Variants in CNIH1 observed in about 807,000 individuals in gnomAD.
CNIH1 encodes protein cornichon homolog 1.
CNIH1 carries 12 observed loss-of-function variants against 20.2 expected under a neutral mutation model. That is an observed-to-expected ratio of 0.59 (90% CI 0.38 to 0.96). The LOEUF is 0.96. Ranked by LOEUF, CNIH1 falls within the 40% of genes least tolerant of loss-of-function variation. The probability of loss-of-function intolerance (pLI) is 0.00; values close to 1 mark genes in which losing one functional copy is unlikely to be tolerated. For missense variants in CNIH1, 152 were observed against 178.8 expected (o/e 0.85, Z 0.85); for synonymous variants, 69 against 63.3 (o/e 1.09, Z -0.43).
At chr14:54,440,699 G>C (rs550802034) in intron 1 of CNIH1, among the ~76,000 whole-genome samples, 1 of 152,132 alleles carries the variant, frequency 6.6e-6, no homozygotes, top group African/African-American at 2.4e-5. Context: ...AGTTCACCAG[G>C]AAACAACAAT....
chr14:54,424,074 C>G lies in CNIH1; in HGVS notation c.*3740G>C, dbSNP rs1776558360. ...CAATATATTTAGCAATAGAACCACTCTTTTACTTTTGATATCATTCTGAGG... is the reference window on the plus strand; with the variant it reads ...CAATATATTTAGCAATAGAACCACTGTTTTACTTTTGATATCATTCTGAGG... On this transcript the variant is annotated 3_prime_UTR_variant, in exon 5 of 5. Transcript: ENST00000216416. 6.6e-6 allele frequency: 1 copy of G among 152,172 alleles called. No homozygotes were observed. The highest frequency in any genetic ancestry group is 2.1e-4 in the South Asian group (1 of 4,834). 9.4% of individuals were successfully genotyped at this position (152,172 alleles called of 1,614,324 possible). A position where few individuals can be genotyped will look rare whatever the true frequency, so the allele number is the denominator to read the frequency against.
At chr14:54,438,915 C>T (rs976143289) in intron 1 of CNIH1, among the ~76,000 whole-genome samples, 2 of 152,104 alleles carry the variant, frequency 1.3e-5, no homozygotes, top group African/African-American at 2.4e-5. Context: ...TTGTAAACAG[C>T]GCCTGGCACC....
chr14:54,431,027 G>C (rs1044657754), intron 3 of CNIH1, among the ~76,000 whole-genome samples: 1 of 151,816 alleles, frequency 6.6e-6, no homozygotes, highest in Admixed American at 6.6e-5. Flanking sequence ...GTTTTGCCAC[G>C]TTGCCCAGTC....
intron 2 of CNIH1, among the ~76,000 whole-genome samples, chr14:54,434,277 C>G (rs375148940): frequency 1.3e-5 from 2 of 152,186 alleles, no homozygotes; most frequent in Non-Finnish European, 2.9e-5. Context: ...TAAAAACGTC[C>G]TTCAACCTCC....
At chr14:54,438,857 G>C (rs2031108633) in intron 1 of CNIH1, among the ~76,000 whole-genome samples, 1 of 152,142 alleles carries the variant, frequency 6.6e-6, no homozygotes. Context: ...GTGTCATCTT[G>C]GAGGGAATAA....
chr14:54,437,123 A>T (rs542868990), intron 1 of CNIH1, among the ~76,000 whole-genome samples: 1 of 152,298 alleles, frequency 6.6e-6, no homozygotes, highest in Non-Finnish European at 1.5e-5. Flanking sequence ...CTCTGGAGGA[A>T]TGTGGCTTCA....
rs1184304193 is a variant in CNIH1 at position 54,429,871 on chromosome 14, T to C, written c.407+390A>G. 2.0e-5 allele frequency among the ~76,000 whole-genome samples: 3 copies of C among 152,142 alleles called. No homozygotes were observed. The East Asian group carries it at 5.8e-4, about 29-fold the overall frequency. On this transcript the variant is annotated intron_variant, in intron 4 of 4. Coordinates refer to ENST00000216416, the MANE Select transcript of CNIH1 (RefSeq NM_005776.3). ...AATAAAGGGCAGAGCACACCACTTA[T>C]GAAGAATGATAAGGAAAAAATGAAA...
intron 1 of CNIH1, among the ~76,000 whole-genome samples, chr14:54,438,529 T>C (rs144785439): frequency 3.9e-5 from 6 of 152,342 alleles, no homozygotes; most frequent in African/African-American, 1.4e-4. Context: ...GAATGACTTT[T>C]AAGCTTTTAA....
chr14:54,428,047 A>G (rs1270038053), intron 4 of CNIH1, among the ~76,000 whole-genome samples: 1 of 152,102 alleles, frequency 6.6e-6, no homozygotes, highest in Non-Finnish European at 1.5e-5. Context: ...GTTGTCCCCT[A>G]TTCCCTTCCA....
At position 54,427,732 on chromosome 14, in the gene CNIH1, G is replaced by A. The variant is rs2030854087; in HGVS notation, c.*82C>T. 7.0e-7 allele frequency: 1 copy of A among 1,427,696 alleles called. No individual in the cohort carries two copies. Among genetic ancestry groups the A allele is most frequent in the Non-Finnish European group, 9.8e-7 (1 of 1,018,346 alleles). The allele number at this position is 1,427,696 out of a possible 1,614,324, so 88.4% of individuals were successfully genotyped here. ...GATCAGATTCCACAGGCTACTCTTG[G>A]ACAGGATCTTGCTGGATAGAATCCC... On this transcript the variant is annotated 3_prime_UTR_variant, in exon 5 of 5. Transcript: ENST00000216416.
chr14:54,439,054 T>A (rs563641885), intron 1 of CNIH1, among the ~76,000 whole-genome samples: 15 of 152,204 alleles, frequency 9.9e-5, no homozygotes, highest in Admixed American at 9.2e-4. Context: ...CTGAGGTAAA[T>A]AAACCTCTTT....
intron 1 of CNIH1, 37 bp from the exon 2 acceptor site, chr14:54,436,474 T>C: frequency 1.7e-6 from 2 of 1,175,828 alleles, no homozygotes; most frequent in Non-Finnish European, 2.5e-6. Context: ...CCACTCACTT[T>C]AATTAAAAGC....
intron 2 of CNIH1, among the ~76,000 whole-genome samples, chr14:54,433,545 C>A (rs1450767673): frequency 6.6e-6 from 1 of 152,162 alleles, no homozygotes; most frequent in Non-Finnish European, 1.5e-5. Context: ...GATCAAAGTT[C>A]TCTAAACAAG....
At chr14:54,427,894 A>C in intron 4 of CNIH1, 53 bp from the exon 5 acceptor site, 3 of 1,562,474 alleles carry the variant, frequency 1.9e-6, no homozygotes, top group Admixed American at 1.7e-5. Flanking sequence ...ATTAAAAAAA[A>C]ACTCAGAGCA....
At position 54,427,796 on chromosome 14, in the gene CNIH1, A is replaced by C; in HGVS notation, c.*18T>G. The stretch of plus-strand genomic sequence containing the variant: ...TTTTTGCATGCACTTAACTGGACCA[A>C]TTCTTCTGTGTGTTGTTCTAAGAGC... On this transcript the variant is annotated 3_prime_UTR_variant, in exon 5 of 5. Transcript: ENST00000216416. 1 of 1,613,652 alleles carries C rather than the reference A, an allele frequency of 6.2e-7. No individual in the cohort carries two copies. The highest frequency in any genetic ancestry group is 8.5e-7 in the Non-Finnish European group (1 of 1,179,854).
Position 54,441,337 on chromosome 14 carries a change from G to GGAGGAGC in CNIH1, c.-17_-11dup, listed in dbSNP as rs2031171607. 39 of 1,493,070 alleles carry GGAGGAGC rather than the reference G, an allele frequency of 2.6e-5. No individual in the cohort carries two copies. The highest frequency in any genetic ancestry group is 3.4e-5 in the Non-Finnish European group (38 of 1,113,112). 92.5% of individuals were successfully genotyped at this position (1,493,070 alleles called of 1,614,324 possible). On this transcript the variant is annotated 5_prime_UTR_variant, in exon 1 of 5. Coordinates refer to ENST00000216416, the MANE Select transcript of CNIH1 (RefSeq NM_005776.3). ...CGAACGTGAACGCCATGGCTGGGGA[G>GGAGGAGC]GAGGAGCGGGGAGCGGCGCCGTTGC... is the stretch of plus-strand genomic sequence containing the variant.
chr14:54,431,662 A>G (rs930770915), intron 3 of CNIH1, among the ~76,000 whole-genome samples: 3 of 152,208 alleles, frequency 2.0e-5, no homozygotes, highest in Middle Eastern at 6.3e-3. Flanking sequence ...TTAGACACAT[A>G]CTGTACATTT....
chr14:54,426,609 A>AC lies in CNIH1; in HGVS notation c.*1204dup, dbSNP rs1252832676. On this transcript the variant is annotated 3_prime_UTR_variant, in exon 5 of 5. Transcript: ENST00000216416. ...CAAGCAGCAGCAAAAACTCAAATTT[A>AC]CAAGCCATTTTACCTTAAAACTGAC... 6.6e-6 allele frequency: 1 copy of AC among 152,192 alleles called. No individual in the cohort carries two copies. Among genetic ancestry groups the AC allele is most frequent in the Non-Finnish European group, 1.5e-5 (1 of 68,028 alleles). 9.4% of individuals were successfully genotyped at this position (152,192 alleles called of 1,614,324 possible).
intron 2 of CNIH1, among the ~76,000 whole-genome samples, chr14:54,433,502 T>G (rs962641470): frequency 1.3e-5 from 2 of 152,190 alleles, no homozygotes; most frequent in South Asian, 4.1e-4. Context: ...GTACCTAAAC[T>G]TCTAAATAAC....
Sources: gnomAD v4.1 joint callset for allele counts (sites outside exome capture counted in the v4.1 genomes callset) on GRCh38, gnomAD v4.1.1 for gene constraint, MANE v1.5 for transcripts, NCBI Gene and HGNC (gene_info 2026-07-23, HGNC 2026-07-21) for gene names.